HCRTR2: variants seen among roughly 807,000 people sequenced by gnomAD.
HCRTR2 encodes hypocretin receptor 2.
A neutral mutation model predicts 49.0 loss-of-function variants in HCRTR2; 22 were observed. The observed-to-expected ratio is 0.45, with a 90% CI of 0.32 to 0.64. The LOEUF (loss-of-function observed/expected upper bound fraction) is 0.64. HCRTR2 is among the 30% of genes least tolerant of loss of function. HCRTR2 has a pLI of 0.04. For synonymous variants in HCRTR2, 236 were observed against 205.3 expected, an observed-to-expected ratio of 1.15 and a Z score of -1.28; for missense variants, 491 against 559.4, an observed-to-expected ratio of 0.88 and a Z score of 1.23.
At chr6:55,199,359 G>A (rs1000250101) in intron 1 of HCRTR2, among the ~76,000 whole-genome samples, 7 of 152,098 alleles carry the variant, frequency 4.6e-5, no homozygotes, top group African/African-American at 1.7e-4. Flanking sequence ...TTTACAAAGG[G>A]GAGGATTGAA....
chr6:55,240,773 A>G (rs1459978329), intron 1 of HCRTR2: 1 of 427,516 alleles, frequency 2.3e-6, no homozygotes, highest in Non-Finnish European at 4.7e-6. Flanking sequence ...ATGATTTTGG[A>G]TGACTGCATT....
intron 2 of HCRTR2, among the ~76,000 whole-genome samples, chr6:55,250,134 A>G (rs960337741): frequency 8.5e-5 from 13 of 152,114 alleles, no homozygotes; most frequent in African/African-American, 2.9e-4. Flanking sequence ...GGAAAATACT[A>G]TAGAAGTTAT....
chr6:55,249,144 T>C (rs1351208282), intron 2 of HCRTR2, among the ~76,000 whole-genome samples: 1 of 152,178 alleles, frequency 6.6e-6, no homozygotes, highest in African/African-American at 2.4e-5. Flanking sequence ...CGCAAACTTT[T>C]TTGATTCCTA....
At chr6:55,152,634 T>G (rs1468869255) in intron 1 of HCRTR2, among the ~76,000 whole-genome samples, 1 of 151,888 alleles carries the variant, frequency 6.6e-6, no homozygotes, top group Non-Finnish European at 1.5e-5. Flanking sequence ...GTAGGTTTGG[T>G]GAGGGCCCTT....
At chr6:55,107,639 A>G (rs1763993251) in intron 1 of HCRTR2, among the ~76,000 whole-genome samples, 1 of 151,988 alleles carries the variant, frequency 6.6e-6, no homozygotes, top group African/African-American at 2.4e-5. Flanking sequence ...TATTGTTGCA[A>G]AAATAATAGT....
intron 1 of HCRTR2, among the ~76,000 whole-genome samples, chr6:55,116,715 G>GAGAGAGA (rs55778468): frequency 7.9e-5 from 7 of 88,520 alleles, no homozygotes; most frequent in African/African-American, 2.0e-4. Flanking sequence ...AAGAGAGAGA[G>GAGAGAGA]AAAAAAAAAA....
chr6:55,202,376 G>A (rs1220121783), intron 1 of HCRTR2, among the ~76,000 whole-genome samples: 2 of 152,114 alleles, frequency 1.3e-5, no homozygotes, highest in African/African-American at 4.8e-5. Context: ...TTTTGTGGAG[G>A]TGATAGACAT....
chr6:55,258,804 G>A (rs1402797855), intron 3 of HCRTR2, among the ~76,000 whole-genome samples: 2 of 152,096 alleles, frequency 1.3e-5, no homozygotes, highest in Non-Finnish European at 2.9e-5. Flanking sequence ...TGTAATCCCA[G>A]CACTTTGGGA....
At chr6:55,242,279 C>T (rs1434990969) in intron 1 of HCRTR2, among the ~76,000 whole-genome samples, 4 of 152,114 alleles carry the variant, frequency 2.6e-5, no homozygotes, top group Non-Finnish European at 4.4e-5. Context: ...CCTTATAGTG[C>T]AACCATCGTC....
In HCRTR2 at chr6:55,262,378, TATA is replaced by T. The variant is rs574238810; in HGVS notation, c.647-1325_647-1323del. Among the ~76,000 whole-genome samples, 554 of 137,260 alleles carry T rather than the reference TATA, an allele frequency of 4.0e-3. 6 individuals are homozygous for T. Among genetic ancestry groups the T allele is most frequent in the African/African-American group, 0.014 (516 of 35,654 alleles). 90.0% of individuals were successfully genotyped at this position (137,260 alleles called of 152,430 possible). A position where few individuals can be genotyped will look rare whatever the true frequency, so the allele number is the denominator to read the frequency against. ...AAATATATAATGTATTATAGTTATA[TATA>T]ATATTATATATAAATATATAATGTA... is the stretch of plus-strand genomic sequence containing the variant. On this transcript the variant is annotated intron_variant, in intron 3 of 6. Transcript: ENST00000370862.
intron 1 of HCRTR2, among the ~76,000 whole-genome samples, chr6:55,190,198 G>C (rs1477011540): frequency 6.6e-6 from 1 of 152,246 alleles, no homozygotes; most frequent in Non-Finnish European, 1.5e-5. Flanking sequence ...TTTATTGTGT[G>C]CCTATTGCAG....
intron 1 of HCRTR2, among the ~76,000 whole-genome samples, chr6:55,233,896 A>G (rs1766164582): frequency 6.6e-6 from 1 of 152,244 alleles, no homozygotes; most frequent in African/African-American, 2.4e-5. Context: ...TTAAATATAC[A>G]TTACTATAAA....
chr6:55,270,484 G>A (rs1766952052), intron 4 of HCRTR2, among the ~76,000 whole-genome samples: 1 of 152,192 alleles, frequency 6.6e-6, no homozygotes, highest in African/African-American at 2.4e-5. Flanking sequence ...TGAATCACAT[G>A]TAGTACAGGT....
At chr6:55,145,393 G>GCT (rs1561986093) in intron 1 of HCRTR2, among the ~76,000 whole-genome samples, 1 of 136,144 alleles carries the variant, frequency 7.3e-6, no homozygotes, top group East Asian at 2.0e-4. Flanking sequence ...AACATTCTTT[G>GCT]TTTTTTTTTT....
chr6:55,193,565 C>T (rs895922975), intron 1 of HCRTR2, among the ~76,000 whole-genome samples: 1 of 149,904 alleles, frequency 6.7e-6, no homozygotes, highest in Admixed American at 6.7e-5. Flanking sequence ...TCATTCCAAG[C>T]ATCAAACCTT....
At chr6:55,121,837 T>C (rs544710017) in intron 1 of HCRTR2, among the ~76,000 whole-genome samples, 11 of 152,184 alleles carry the variant, frequency 7.2e-5, no homozygotes, top group Admixed American at 3.9e-4. Context: ...GATAAGCTTT[T>C]TGATGTGCTG....
At chr6:55,222,360 A>C (rs13196636) in intron 1 of HCRTR2, among the ~76,000 whole-genome samples, 2,005 of 152,098 alleles carry the variant, frequency 0.013, 16 homozygotes, top group Non-Finnish European at 0.02. Context: ...TTGTACAGCC[A>C]CTGTGAAAAA....
chr6:55,189,348 T>C lies in HCRTR2; in HGVS notation c.223+14538T>C, dbSNP rs562355383. On this transcript the variant is annotated intron_variant, in intron 1 of 6. Coordinates refer to ENST00000370862, the MANE Select transcript of HCRTR2 (RefSeq NM_001384272.1). Reference sequence around the variant, plus strand: ...TGTTGAGACTCTTCAGGGCAGTTGTTGTGAGAATGAAGTTAAGACAATGGG... The same window carrying C: ...TGTTGAGACTCTTCAGGGCAGTTGTCGTGAGAATGAAGTTAAGACAATGGG... Among the ~76,000 whole-genome samples, 4 of 152,272 alleles carry C rather than the reference T, an allele frequency of 2.6e-5. No individual in the cohort carries two copies. In the South Asian group the frequency reaches 8.3e-4, roughly 32 times the overall value.
At chr6:55,150,800 A>T (rs1181248302) in intron 1 of HCRTR2, among the ~76,000 whole-genome samples, 1 of 151,982 alleles carries the variant, frequency 6.6e-6, no homozygotes, top group Non-Finnish European at 1.5e-5. Context: ...TAAACATGAG[A>T]GTGCAGATAA....
Sources: allele counts gnomAD v4.1 joint callset (sites outside exome capture counted in the v4.1 genomes callset), GRCh38; gene constraint gnomAD v4.1.1; transcripts MANE v1.5; gene names NCBI Gene and HGNC (gene_info 2026-07-23, HGNC 2026-07-21).